The following WWOX variants were observed in gnomAD, a reference collection of about 807,000 sequenced individuals.
WWOX encodes the protein WW domain containing oxidoreductase, also known as WW domain-containing oxidoreductase.
WWOX carries 69 observed loss-of-function variants against 46.2 expected under a neutral mutation model. That is an observed-to-expected ratio of 1.49 (90% CI 1.23 to 1.82). The LOEUF (loss-of-function observed/expected upper bound fraction) is 1.82, where lower values mean the gene tolerates loss of function less well. Ranked by LOEUF, WWOX falls within the 40% of genes most tolerant of loss-of-function variation. WWOX has a pLI of 0.00. For missense variants in WWOX, 919 were observed against 542.6 expected, an observed-to-expected ratio of 1.69 and a Z score of -6.89; for synonymous variants, 359 against 202.6, an observed-to-expected ratio of 1.77 and a Z score of -6.56.
At chr16:78,444,430 A>C (rs1447994283) in intron 8 of WWOX, among the ~76,000 whole-genome samples, 3 of 152,192 alleles carry the variant, frequency 2.0e-5, no homozygotes, top group Non-Finnish European at 2.9e-5. Context: ...TGTATTTCAT[A>C]AATTTTGGAT....
chr16:78,860,571 A>G (rs564377239), intron 8 of WWOX, among the ~76,000 whole-genome samples: 1 of 152,332 alleles, frequency 6.6e-6, no homozygotes, highest in South Asian at 2.1e-4. Context: ...TGTGAAAAAG[A>G]AAAGTCCCTA....
At chr16:78,690,985 C>T (rs1051129637) in intron 8 of WWOX, among the ~76,000 whole-genome samples, 12 of 152,250 alleles carry the variant, frequency 7.9e-5, no homozygotes, top group South Asian at 2.1e-4. Context: ...ATATGTCCAA[C>T]GCCATTCGTA....
intron 8 of WWOX, chr16:78,890,683 TC>T (rs2044570795): frequency 6.6e-6 from 1 of 152,244 alleles, no homozygotes; most frequent in Admixed American, 6.5e-5. Flanking sequence ...TAGACCAGCA[TC>T]TGAGCGTGCC....
At chr16:79,133,955 C>G (rs925228898) in intron 8 of WWOX, among the ~76,000 whole-genome samples, 1 of 151,974 alleles carries the variant, frequency 6.6e-6, no homozygotes, top group Non-Finnish European at 1.5e-5. Context: ...GGCAAGTCCT[C>G]AAGAAGAAAA....
At chr16:78,577,404 G>A (rs1396138775) in intron 8 of WWOX, among the ~76,000 whole-genome samples, 1 of 152,104 alleles carries the variant, frequency 6.6e-6, no homozygotes, top group East Asian at 1.9e-4. Flanking sequence ...TTCCAGCACT[G>A]CGGCCATGAG....
At chr16:79,029,156 G>T (rs553144223) in intron 8 of WWOX, among the ~76,000 whole-genome samples, 4 of 152,126 alleles carry the variant, frequency 2.6e-5, no homozygotes, top group Non-Finnish European at 2.9e-5. Context: ...GAAGGAGGGA[G>T]CCTACCTCTG....
At chr16:79,205,303 C>A (rs1293081623) in intron 8 of WWOX, 1 of 152,164 alleles carries the variant, frequency 6.6e-6, no homozygotes, top group Non-Finnish European at 1.5e-5. Flanking sequence ...AGACACTGTC[C>A]CTAGTGTCAC....
intron 5 of WWOX, among the ~76,000 whole-genome samples, chr16:78,299,681 C>T (rs1457019037): frequency 1.3e-5 from 2 of 151,962 alleles, no homozygotes; most frequent in East Asian, 3.9e-4. Flanking sequence ...GGTTGTGCCA[C>T]CATGCCCGCC....
rs192633876 is a variant in WWOX, at chr16:78,609,882, T to C, written c.1056+177130T>C. Among the ~76,000 whole-genome samples, 15 of 152,358 alleles carry C rather than the reference T, an allele frequency of 9.8e-5. No individual in the cohort carries two copies. The East Asian group carries it at 2.1e-3, about 22-fold the overall frequency. On this transcript the variant is annotated intron_variant, in intron 8 of 8. Transcript: ENST00000566780. ...GTCTAATTTCAACCTTTTCTTGCTTTAGTGATTAATTACCAGGTTTCTCTA... is the reference window on the plus strand; with the variant it reads ...GTCTAATTTCAACCTTTTCTTGCTTCAGTGATTAATTACCAGGTTTCTCTA...
At chr16:78,543,827 G>T (rs890865755) in intron 8 of WWOX, among the ~76,000 whole-genome samples, 1 of 152,142 alleles carries the variant, frequency 6.6e-6, no homozygotes, top group African/African-American at 2.4e-5. Context: ...CGCAGGGCCT[G>T]ATAGGTGCCC....
chr16:78,402,543 C>G (rs1051315312), intron 6 of WWOX, among the ~76,000 whole-genome samples: 1 of 152,088 alleles, frequency 6.6e-6, no homozygotes, highest in Non-Finnish European at 1.5e-5. Context: ...GGCTTCAGCA[C>G]TTCCCCCAAG....
At chr16:78,603,564 G>A (rs1195513978) in intron 8 of WWOX, among the ~76,000 whole-genome samples, 2 of 152,104 alleles carry the variant, frequency 1.3e-5, no homozygotes, top group Non-Finnish European at 1.5e-5. Context: ...CGTGGTGGCA[G>A]CCACCTGTAG....
chr16:78,516,876 G>C (rs1454591587), intron 8 of WWOX, among the ~76,000 whole-genome samples: 1 of 152,158 alleles, frequency 6.6e-6, no homozygotes, highest in Non-Finnish European at 1.5e-5. Flanking sequence ...GTCTGCAGTT[G>C]AGAACTGTAA....
intron 8 of WWOX, among the ~76,000 whole-genome samples, chr16:78,792,452 G>C (rs1468268992): frequency 6.6e-6 from 1 of 152,140 alleles, no homozygotes; most frequent in Non-Finnish European, 1.5e-5. Context: ...AAATCATATG[G>C]TCGTACTCCA....
intron 8 of WWOX, among the ~76,000 whole-genome samples, chr16:78,982,461 T>C (rs2046701400): frequency 1.3e-5 from 2 of 152,390 alleles, no homozygotes; most frequent in South Asian, 2.1e-4. Context: ...AGGCCCTTCC[T>C]GGTCTGCAGA....
intron 8 of WWOX, among the ~76,000 whole-genome samples, chr16:78,922,120 T>A (rs2045392903): frequency 6.6e-6 from 1 of 152,096 alleles, no homozygotes; most frequent in South Asian, 2.1e-4. Context: ...ATTTATTGGG[T>A]CTTCGTTGCG....
chr16:78,993,164 A>G (rs927265553), intron 8 of WWOX, among the ~76,000 whole-genome samples: 69 of 151,728 alleles, frequency 4.5e-4, no homozygotes, highest in African/African-American at 1.5e-3. Flanking sequence ...AATTGCAGAG[A>G]GATACTGAGT....
intron 5 of WWOX, among the ~76,000 whole-genome samples, chr16:78,325,381 T>C (rs183898461): frequency 6.6e-6 from 1 of 152,354 alleles, no homozygotes; most frequent in East Asian, 1.9e-4. Context: ...GCTTTTCCAA[T>C]TGTTCTATTG....
intron 5 of WWOX, among the ~76,000 whole-genome samples, chr16:78,230,150 G>A (rs577429850): frequency 9.7e-5 from 12 of 124,334 alleles, no homozygotes; most frequent in African/African-American, 3.4e-4. Context: ...AAAGTGTTGG[G>A]ATTACAGGCG....
Sources: allele counts gnomAD v4.1 joint callset (sites outside exome capture counted in the v4.1 genomes callset), GRCh38; gene constraint gnomAD v4.1.1; transcripts MANE v1.5; gene names NCBI Gene and HGNC (gene_info 2026-07-23, HGNC 2026-07-21).